The following RFK variants were observed in gnomAD, a reference collection of about 807,000 sequenced individuals.
RFK encodes the protein riboflavin kinase.
RFK carries 4 observed loss-of-function variants against 17.6 expected under a neutral mutation model. The observed-to-expected ratio is 0.23, with a 90% confidence interval of 0.11 to 0.52. The LOEUF is 0.52. Among genes scored for constraint, RFK ranks in the 20% least tolerant of loss-of-function variants. The pLI, the probability that RFK is intolerant of heterozygous loss-of-function variation, is 0.96. For missense variants in RFK, 189 were observed against 187.7 expected (o/e 1.01, Z -0.04); for synonymous variants, 59 against 63.8 (o/e 0.92, Z 0.36).
chr9:76,390,924 T>C (rs1172054697), intron 2 of RFK, among the ~76,000 whole-genome samples: 1 of 152,004 alleles, frequency 6.6e-6, no homozygotes, highest in East Asian at 1.9e-4. Context: ...AGTTCAATTT[T>C]CCACTGGTAA....
chr9:76,392,459 T>C lies in RFK; in HGVS notation c.193A>G (p.Ile65Val), dbSNP rs1822830706. 1.9e-6 allele frequency: 3 copies of C among 1,614,124 alleles called. No homozygotes were observed. The highest frequency in any genetic ancestry group is 1.3e-5 in the African/African-American group (1 of 74,948). ...TTCTTGTAATATGGGTTCCATCCTA[T>C]GCTCACCACCATCTTATGGACATCT... is the stretch of plus-strand genomic sequence containing the variant. ...SGDVHKMVVSIGWNPYYKNTK... is the reference protein window; with the variant it reads ...SGDVHKMVVSVGWNPYYKNTK... The change falls in exon 2 of 4, where the codon ATA becomes GTA. Residue 65 changes from isoleucine (I) to valine (V), a missense_variant. Physicochemically the swap from Ile to Val is conservative, Grantham distance 29 (BLOSUM62 3). Coordinates refer to ENST00000376736, the MANE Select transcript of RFK (RefSeq NM_018339.6).
At chr9:76,393,208 C>CT (rs10716702) in intron 1 of RFK, among the ~76,000 whole-genome samples, 3,898 of 131,792 alleles carry the variant, frequency 0.03, 173 homozygotes, top group African/African-American at 0.096. Flanking sequence ...AAGTTTCTTT[C>CT]TTTTTTTTTT....
In RFK at chr9:76,392,444, A is replaced by G. The variant is rs756323752; in HGVS notation, c.208T>C (p.Tyr70His). 6.2e-7 allele frequency: 1 copy of G among 1,614,090 alleles called. No individual in the cohort carries two copies. Among genetic ancestry groups the G allele is most frequent in the African/African-American group, 1.3e-5 (1 of 74,928 alleles). ...KMVVSIGWNP[Y>H]YKNTKKSMET... ...ATAGACTTCTTCGTATTCTTGTAAT[A>G]TGGGTTCCATCCTATGCTCACCACC... is the stretch of plus-strand genomic sequence containing the variant. Residue 70 changes from tyrosine to histidine, a missense_variant, in exon 2 of 4, where the codon TAT becomes CAT. Transcript: ENST00000376736.
intron 2 of RFK, among the ~76,000 whole-genome samples, chr9:76,391,194 C>A (rs1822815721): frequency 6.6e-6 from 1 of 152,214 alleles, no homozygotes; most frequent in African/African-American, 2.4e-5. Context: ...TTAAGTACTT[C>A]TGCGTCATTA....
rs895357386 is a variant in RFK at position 76,385,920 on chromosome 9, G to A, written c.*1479C>T. On this transcript the variant is annotated 3_prime_UTR_variant, in exon 4 of 4. Coordinates refer to ENST00000376736, the MANE Select transcript of RFK (RefSeq NM_018339.6). ...TTTATAAAGAAATAAAAAGCAAAAC[G>A]CAATCCAACTATTTATATGAGTCCC... 3 of 152,096 alleles carry A rather than the reference G, an allele frequency of 2.0e-5. No individual in the cohort carries two copies. The highest frequency in any genetic ancestry group is 2.1e-4 in the South Asian group (1 of 4,832). 9.4% of individuals were successfully genotyped at this position (152,096 alleles called of 1,614,324 possible). A position where few individuals can be genotyped will look rare whatever the true frequency, so the allele number is the denominator to read the frequency against.
intron 2 of RFK, among the ~76,000 whole-genome samples, chr9:76,389,517 T>G (rs1231747118): frequency 5.3e-5 from 8 of 152,180 alleles, no homozygotes; most frequent in Non-Finnish European, 1.0e-4. Context: ...CCCAGCACTT[T>G]GGGAGGCGGA....
intron 3 of RFK, 112 bp from the exon 4 acceptor site, chr9:76,387,641 G>C (rs1347043866): frequency 1.1e-6 from 1 of 942,054 alleles, no homozygotes; most frequent in Admixed American, 2.4e-5. Flanking sequence ...TCTCTGCACA[G>C]GGTAGATACC....
In RFK at chr9:76,385,991, G is replaced by C. The variant is rs1480373799; in HGVS notation, c.*1408C>G. 1 of 152,150 alleles carries C rather than the reference G, an allele frequency of 6.6e-6. No individual in the cohort carries two copies. Among genetic ancestry groups the C allele is most frequent in the Non-Finnish European group, 1.5e-5 (1 of 68,008 alleles). 9.4% of individuals were successfully genotyped at this position (152,150 alleles called of 1,614,324 possible). A position where few individuals can be genotyped will look rare whatever the true frequency, so the allele number is the denominator to read the frequency against. On this transcript the variant is annotated 3_prime_UTR_variant, in exon 4 of 4. Coordinates refer to ENST00000376736, the MANE Select transcript of RFK (RefSeq NM_018339.6). ...TGTTTTTCTGAGTACTTTTTACACAGAATATTTTTATTAAAATCAGTTCTA... is the reference window on the plus strand; with the variant it reads ...TGTTTTTCTGAGTACTTTTTACACACAATATTTTTATTAAAATCAGTTCTA...
rs764169357 is a variant in RFK, at chr9:76,392,587, A to G, written c.83-18T>C. On this transcript the variant is annotated intron_variant, in intron 1 of 3. Coordinates refer to ENST00000376736, the MANE Select transcript of RFK (RefSeq NM_018339.6). ...AAAATTAGCTAAACAACAGAAGAAA[A>G]TATTTTGAGTCTTACAAATTTCGTA... 8.7e-6 allele frequency: 14 copies of G among 1,613,542 alleles called. No individual in the cohort carries two copies. Among genetic ancestry groups the G allele is most frequent in the Non-Finnish European group, 1.2e-5 (14 of 1,179,536 alleles).
Position 76,385,563 on chromosome 9 carries a change from AT to A in RFK, c.*1835del, listed in dbSNP as rs1822718310. On this transcript the variant is annotated 3_prime_UTR_variant, in exon 4 of 4. Transcript: ENST00000376736. ...AAAATTTATTTCAAGGCCTGAAAAC[AT>A]TCAGACTAATCAAAATGGTACTACT... The A allele has an allele frequency of 6.6e-6, 1 of 152,246 alleles. No homozygotes were observed. Among genetic ancestry groups the A allele is most frequent in the African/African-American group, 2.4e-5 (1 of 41,466 alleles). The allele number at this position is 152,246 out of a possible 1,614,324, so 9.4% of individuals were successfully genotyped here. A position where few individuals can be genotyped will look rare whatever the true frequency, so the allele number is the denominator to read the frequency against.
At position 76,387,486 on chromosome 9, in the gene RFK, C is replaced by T. The variant is rs769072616; in HGVS notation, c.381G>A (p.Lys127=). The T allele has an allele frequency of 6.2e-7, 1 of 1,611,788 alleles. No individual in the cohort carries two copies. Among genetic ancestry groups the T allele is most frequent in the African/African-American group, 1.3e-5 (1 of 74,916 alleles). Residue 127 remains lysine, a synonymous_variant, in exon 4 of 4, where the codon AAG becomes AAA. Coordinates refer to ENST00000376736, the MANE Select transcript of RFK (RefSeq NM_018339.6). ...AATGTTCTGGTAACTCTAGTCGTTT[C>T]TTAGCTTCTTCAATATCACCTTGAA... ...SAIQGDIEEA[K]KRLELPEHLK...
chr9:76,392,516 T>C lies in RFK; in HGVS notation c.136A>G (p.Ile46Val), dbSNP rs144954559. 4 of 1,613,996 alleles carry C rather than the reference T, an allele frequency of 2.5e-6. No homozygotes were observed. In the African/African-American group the frequency reaches 5.3e-5, roughly 22 times the overall value. ...CCAACACTGGCCCAACCATAGTAAA[T>C]ACCAGTGGATATATCAGCTGGAAGA... ...DNLPADISTGIYYGWASVGSG... is the reference protein window; with the variant it reads ...DNLPADISTGVYYGWASVGSG... Residue 46 changes from isoleucine to valine, a missense_variant, in exon 2 of 4, where the codon ATT (isoleucine) becomes GTT (valine). Coordinates refer to ENST00000376736, the MANE Select transcript of RFK (RefSeq NM_018339.6).
At position 76,388,437 on chromosome 9, in the gene RFK, T is replaced by G. The variant is rs759338121; in HGVS notation, c.337+117A>C. ...CACGTAAAGCACTTAAAACGGTGCC[T>G]GGCATATATTAAATGCTCAAATATT... On this transcript the variant is annotated intron_variant, in intron 3 of 3. Coordinates refer to ENST00000376736, the MANE Select transcript of RFK (RefSeq NM_018339.6). The G allele has an allele frequency of 1.3e-5, 9 of 702,850 alleles. No homozygotes were observed. The East Asian group carries it at 1.8e-4, about 14-fold the overall frequency. 43.5% of individuals were successfully genotyped at this position (702,850 alleles called of 1,614,324 possible).
chr9:76,392,653 T>C, intron 1 of RFK, 84 bp from the exon 2 acceptor site: 1 of 1,389,696 alleles, frequency 7.2e-7, no homozygotes, highest in South Asian at 1.2e-5. Context: ...ATGTCTGTAA[T>C]TCTAGGACTT....
intron 2 of RFK, 130 bp downstream of exon 2, chr9:76,392,288 T>G: frequency 2.3e-6 from 2 of 867,788 alleles, no homozygotes; most frequent in Non-Finnish European, 3.5e-6. Flanking sequence ...AAGACAGAGA[T>G]TGCCCAAAAT....
rs1442981564 is a variant in RFK at position 76,385,659 on chromosome 9, A to C, written c.*1740T>G. The stretch of plus-strand genomic sequence containing the variant: ...GACACAATTAACCCCTAAACAACAC[A>C]CTATCTGATTCTCAAAAGCAATGGC... On this transcript the variant is annotated 3_prime_UTR_variant, in exon 4 of 4. Coordinates refer to ENST00000376736, the MANE Select transcript of RFK (RefSeq NM_018339.6). 2 of 152,186 alleles carry C rather than the reference A, an allele frequency of 1.3e-5. No homozygotes were observed. Among genetic ancestry groups the C allele is most frequent in the African/African-American group, 4.8e-5 (2 of 41,446 alleles). 9.4% of individuals were successfully genotyped at this position (152,186 alleles called of 1,614,324 possible). A position where few individuals can be genotyped will look rare whatever the true frequency, so the allele number is the denominator to read the frequency against.
chr9:76,390,346 AT>A (rs1587391500), intron 2 of RFK, among the ~76,000 whole-genome samples: 1 of 151,994 alleles, frequency 6.6e-6, no homozygotes, highest in South Asian at 2.1e-4. Flanking sequence ...TATAAAAAAA[AT>A]ATTGAACTGG....
At chr9:76,393,660 C>A in intron 1 of RFK, 5 of 176,994 alleles carry the variant, frequency 2.8e-5, no homozygotes, top group South Asian at 1.5e-4. Flanking sequence ...TCTCATTCAA[C>A]TACCTATGTT....
chr9:76,391,253 A>G (rs910918811), intron 2 of RFK, among the ~76,000 whole-genome samples: 1 of 152,240 alleles, frequency 6.6e-6, no homozygotes, highest in Non-Finnish European at 1.5e-5. Context: ...GCAGTGACAC[A>G]CTTCACTTCT....
Sources: allele counts gnomAD v4.1 joint callset (sites outside exome capture counted in the v4.1 genomes callset), GRCh38; gene constraint gnomAD v4.1.1; transcripts MANE v1.5; gene names NCBI Gene and HGNC (gene_info 2026-07-23, HGNC 2026-07-21).